The following GLT8D2 variants were observed in gnomAD, a reference collection of about 807,000 sequenced individuals.
GLT8D2 encodes the protein glycosyltransferase 8 domain-containing protein 2.
Under a neutral mutation model 44.5 loss-of-function variants are expected in GLT8D2, and 45 were observed. The observed-to-expected ratio is 1.01, with a 90% CI of 0.80 to 1.30. The LOEUF (loss-of-function observed/expected upper bound fraction) is 1.30, where lower values mean the gene tolerates loss of function less well. GLT8D2 is among the 50% of genes most tolerant of loss of function. GLT8D2 has a pLI of 0.00. For missense variants in GLT8D2, 400 were observed against 430.4 expected (o/e 0.93, Z 0.62); for synonymous variants, 156 against 157.2 (o/e 0.99, Z 0.06).
intron 3 of GLT8D2, among the ~76,000 whole-genome samples, chr12:104,016,774 A>G (rs2583231): frequency 0.036 from 2,101 of 57,848 alleles, 63 homozygotes; most frequent in African/African-American, 0.051. Flanking sequence ...AAAGAAAGAA[A>G]GAAGGAAGGA....
chr12:104,022,140 G>A (rs925826269), intron 1 of GLT8D2, among the ~76,000 whole-genome samples: 1 of 152,038 alleles, frequency 6.6e-6, no homozygotes, highest in African/African-American at 2.4e-5. Context: ...TTTCAGAAGA[G>A]CTGCCATATT....
chr12:104,019,714 A>T, intron 2 of GLT8D2, 38 bp from the exon 3 acceptor site: 1 of 1,406,500 alleles, frequency 7.1e-7, no homozygotes, highest in East Asian at 2.3e-5. Context: ...TTAAAGGAGA[A>T]TCAACTTAAA....
chr12:104,000,388 T>C (rs147054873), intron 5 of GLT8D2, among the ~76,000 whole-genome samples: 31 of 152,316 alleles, frequency 2.0e-4, no homozygotes, highest in African/African-American at 7.0e-4. Context: ...TGGACACTAA[T>C]CAAAATGGCA....
At chr12:104,041,027 G>A (rs1282550241) in intron 1 of GLT8D2, among the ~76,000 whole-genome samples, 2 of 152,124 alleles carry the variant, frequency 1.3e-5, no homozygotes, top group African/African-American at 4.8e-5. Flanking sequence ...AGCACCTTGG[G>A]AGGCCTAGGT....
At chr12:104,028,595 T>C (rs1421341800) in intron 1 of GLT8D2, among the ~76,000 whole-genome samples, 1 of 152,194 alleles carries the variant, frequency 6.6e-6, no homozygotes, top group Non-Finnish European at 1.5e-5. Context: ...CCCCTTCCCT[T>C]GGAAACTTAA....
intron 1 of GLT8D2, among the ~76,000 whole-genome samples, chr12:104,046,981 C>T (rs1881219075): frequency 6.6e-6 from 1 of 152,064 alleles, no homozygotes; most frequent in East Asian, 1.9e-4. Flanking sequence ...TGCACCACCA[C>T]CACATCCAGC....
intron 1 of GLT8D2, chr12:104,031,489 G>A (rs1047786476): frequency 1.1e-5 from 17 of 1,613,228 alleles, no homozygotes; most frequent in Non-Finnish European, 1.3e-5. Flanking sequence ...GGGATGAGGA[G>A]ACGGTGCGCA....
At position 104,015,073 on chromosome 12, in the gene GLT8D2, T is replaced by C; in HGVS notation, c.52A>G (p.Thr18Ala). The C allele has an allele frequency of 1.2e-6, 2 of 1,613,650 alleles. No homozygotes were observed. The highest frequency in any genetic ancestry group is 1.7e-6 in the Non-Finnish European group (2 of 1,179,798). Residue 18 changes from threonine (T) to alanine (A), a missense_variant, in exon 4 of 11, where the codon ACC becomes GCC. By Grantham distance (58) the Thr-to-Ala change is moderately conservative. Coordinates refer to ENST00000360814, the MANE Select transcript of GLT8D2 (RefSeq NM_001384711.1). ...TTCTTATACAGAATCACACAGAGGG[T>C]CACGATCAGAAGGAACAGCAGCACC... is the stretch of plus-strand genomic sequence containing the variant. The part of the protein sequence containing the change: ...NQVLLFLLIV[T>A]LCVILYKKVH...
At chr12:104,003,708 G>T (rs1031261988) in intron 4 of GLT8D2, among the ~76,000 whole-genome samples, 3 of 152,154 alleles carry the variant, frequency 2.0e-5, no homozygotes, top group African/African-American at 7.2e-5. Flanking sequence ...GAAGCTACTT[G>T]TTGAGGTCAC....
intron 1 of GLT8D2, among the ~76,000 whole-genome samples, chr12:104,021,938 A>AGAG (rs1566202467): frequency 6.8e-4 from 21 of 30,852 alleles, no homozygotes; most frequent in South Asian, 4.2e-3. Context: ...AAGAAGAAGA[A>AGAG]GAAGAAGAAG....
At chr12:103,997,589 CTT>C in intron 6 of GLT8D2, 54 bp from the exon 7 acceptor site, 1 of 1,255,220 alleles carries the variant, frequency 8.0e-7, no homozygotes, top group South Asian at 1.2e-5. Flanking sequence ...GGCTTAGTGT[CTT>C]CTGGGGGTAC....
rs369488093 is a variant in GLT8D2 at position 104,003,107 on chromosome 12, G to C, written c.284+28C>G. 7.5e-6 allele frequency: 12 copies of C among 1,589,436 alleles called. No individual in the cohort carries two copies. In the African/African-American group the frequency reaches 1.3e-4, roughly 18 times the overall value. On this transcript the variant is annotated intron_variant, in intron 5 of 10. Transcript: ENST00000360814. ...AGGAGAGAGGGGAAGGAAACAGAAA[G>C]TGCCAAAGTCTGTAAGACATAACTT...
intron 1 of GLT8D2, among the ~76,000 whole-genome samples, chr12:104,039,525 G>A (rs1468302344): frequency 2.0e-5 from 3 of 152,212 alleles, no homozygotes; most frequent in Non-Finnish European, 4.4e-5. Context: ...CATTTATGCA[G>A]CCAACAGACA....
chr12:104,038,442 C>A (rs1194786596), intron 1 of GLT8D2, among the ~76,000 whole-genome samples: 2 of 152,212 alleles, frequency 1.3e-5, no homozygotes, highest in East Asian at 3.8e-4. Context: ...GCAACTTCAG[C>A]AAAGTCTCAG....
At chr12:104,061,651 C>T (rs1882657773) in intron 1 of GLT8D2, among the ~76,000 whole-genome samples, 1 of 152,028 alleles carries the variant, frequency 6.6e-6, no homozygotes, top group Non-Finnish European at 1.5e-5. Flanking sequence ...CTTATTTCTC[C>T]CTCCCTTTCC....
intron 1 of GLT8D2, among the ~76,000 whole-genome samples, chr12:104,022,097 A>G (rs1877976424): frequency 6.6e-6 from 1 of 151,656 alleles, no homozygotes; most frequent in Admixed American, 6.6e-5. Flanking sequence ...AGAAAGAAAG[A>G]AGAAAAGAAA....
At position 104,011,886 on chromosome 12, in the gene GLT8D2, C is replaced by T. The variant is rs77976495; in HGVS notation, c.112+3127G>A. Among the ~76,000 whole-genome samples the T allele has an allele frequency of 7.0e-3, 1,057 of 151,920 alleles. 21 individuals are homozygous for T. The highest frequency in any genetic ancestry group is 0.025 in the African/African-American group (1,020 of 41,438). ...TAATGGTAATACTAAAGAATATATA[C>T]CTGGGCCGGGCGCAGTGGCTCACAT... On this transcript the variant is annotated intron_variant, in intron 4 of 10. Transcript: ENST00000360814.
chr12:104,039,687 C>T (rs557511773), intron 1 of GLT8D2, among the ~76,000 whole-genome samples: 40 of 152,294 alleles, frequency 2.6e-4, no homozygotes, highest in African/African-American at 9.6e-4. Flanking sequence ...AATGCTTTAA[C>T]ACTGTTGGTG....
rs758284739 is a variant in GLT8D2 at position 103,997,440 on chromosome 12, A to C, written c.487+11T>G. On this transcript the variant is annotated intron_variant, in intron 7 of 10. Coordinates refer to ENST00000360814, the MANE Select transcript of GLT8D2 (RefSeq NM_001384711.1). ...TCTTTTCCAAGTGTTCTTGGCAGTT[A>C]GCGAGAGTACCTTGTACAATTACAT... 16 of 1,588,526 alleles carry C rather than the reference A, an allele frequency of 1.0e-5. 1 individual carries two copies. The South Asian group carries it at 1.4e-4, about 14-fold the overall frequency.
Sources: gnomAD v4.1 joint callset for allele counts (sites outside exome capture counted in the v4.1 genomes callset) on GRCh38, gnomAD v4.1.1 for gene constraint, MANE v1.5 for transcripts, NCBI Gene and HGNC (gene_info 2026-07-23, HGNC 2026-07-21) for gene names.